The following CFAP53 variants were observed in gnomAD, a reference collection of about 807,000 sequenced individuals.
CFAP53 encodes the protein cilia and flagella associated protein 53, also known as cilia- and flagella-associated protein 53.
A neutral mutation model predicts 59.7 loss-of-function variants in CFAP53; 62 were observed. The ratio of observed to expected loss-of-function variants is 1.04; its 90% CI spans 0.85 to 1.28. The LOEUF is 1.28. CFAP53 is among the 50% of genes most tolerant of loss of function. CFAP53 has a pLI of 0.00. For missense variants in CFAP53, 629 were observed against 615.6 expected (o/e 1.02, Z -0.23); for synonymous variants, 218 against 205.7 (o/e 1.06, Z -0.51).
At chr18:50,263,665 G>A (rs962080853) in intron 1 of CFAP53, among the ~76,000 whole-genome samples, 5 of 152,170 alleles carry the variant, frequency 3.3e-5, no homozygotes, top group Non-Finnish European at 7.3e-5. Flanking sequence ...AAGCAGAGGA[G>A]GATCACAGTG....
intron 5 of CFAP53, among the ~76,000 whole-genome samples, chr18:50,248,734 G>A (rs893267307): frequency 6.1e-5 from 9 of 148,616 alleles, no homozygotes; most frequent in African/African-American, 2.2e-4. Flanking sequence ...ACAGTGAGCC[G>A]AGACCATGCC....
intron 3 of CFAP53, among the ~76,000 whole-genome samples, chr18:50,257,946 C>T (rs2033859821): frequency 6.6e-6 from 1 of 152,140 alleles, no homozygotes; most frequent in Non-Finnish European, 1.5e-5. Flanking sequence ...AGGAGAACTG[C>T]TTGAACCTAA....
chr18:50,227,866 G>C (rs1056867638), intron 7 of CFAP53, among the ~76,000 whole-genome samples: 1 of 151,184 alleles, frequency 6.6e-6, no homozygotes, highest in South Asian at 2.1e-4. Flanking sequence ...ATGTGGTAAT[G>C]GTCCTTGGTT....
intron 5 of CFAP53, among the ~76,000 whole-genome samples, chr18:50,248,092 C>T (rs2033761898): frequency 6.7e-6 from 1 of 149,696 alleles, no homozygotes; most frequent in South Asian, 2.1e-4. Flanking sequence ...TGTACTCCAG[C>T]CTAAGTGACA....
Position 50,250,903 on chromosome 18 carries a change from G to T in CFAP53, c.851C>A (p.Thr284Asn). 1 of 1,614,144 alleles carries T rather than the reference G, an allele frequency of 6.2e-7. No homozygotes were observed. Among genetic ancestry groups the T allele is most frequent in the Non-Finnish European group, 8.5e-7 (1 of 1,180,020 alleles). The change falls in exon 5 of 8, where the codon ACT becomes AAT. Residue 284 changes from threonine to asparagine, a missense_variant. Thr to Asn is a moderately conservative substitution (Grantham distance 65). Coordinates refer to ENST00000398545, the MANE Select transcript of CFAP53 (RefSeq NM_145020.5). Reference sequence around the variant, plus strand: ...TAGGGCTTTTTGCAAAATGGTCCTAGTTTCCTGCTTTGCCTTCTGTTTCTT... The same window carrying T: ...TAGGGCTTTTTGCAAAATGGTCCTATTTTCCTGCTTTGCCTTCTGTTTCTT... ...MLKKQKAKQE[T>N]RTILQKALQE...
chr18:50,242,471 T>C (rs1349511104), intron 6 of CFAP53, among the ~76,000 whole-genome samples: 1 of 152,264 alleles, frequency 6.6e-6, no homozygotes, highest in Non-Finnish European at 1.5e-5. Flanking sequence ...TAAATGTCCA[T>C]GAAATCTTCA....
intron 6 of CFAP53, 80 bp from the exon 7 acceptor site, chr18:50,238,785 A>T: frequency 9.9e-7 from 1 of 1,010,268 alleles, no homozygotes; most frequent in Non-Finnish European, 1.5e-6. Context: ...CCAGAGTCAT[A>T]TTGTCTTTAG....
intron 4 of CFAP53, among the ~76,000 whole-genome samples, 200 bp downstream of exon 4, chr18:50,251,281 G>A (rs551422513): frequency 1.4e-4 from 21 of 152,274 alleles, no homozygotes; most frequent in South Asian, 2.1e-4. Context: ...CTGTGGGTGC[G>A]TTGGCCTTCC....
chr18:50,228,314 A>G (rs2033546677), intron 7 of CFAP53, among the ~76,000 whole-genome samples: 1 of 151,712 alleles, frequency 6.6e-6, no homozygotes, highest in Non-Finnish European at 1.5e-5. Flanking sequence ...TCTGCTGTAG[A>G]TCAAAGGGCC....
In CFAP53 at chr18:50,227,611, T is replaced by G; in HGVS notation, c.1317-2A>C. The G allele has an allele frequency of 6.2e-7, 1 of 1,608,660 alleles. No homozygotes were observed. Among genetic ancestry groups the G allele is most frequent in the Non-Finnish European group, 8.5e-7 (1 of 1,175,110 alleles). ...TACTCCTGGGCTAAACGTTGGCGTC[T>G]AAAGTATTAGAAATGTCAAAGCATA... is the stretch of plus-strand genomic sequence containing the variant. On this transcript the variant is annotated splice_acceptor_variant, in intron 7 of 7. Transcript: ENST00000398545. LOFTEE classifies it high-confidence loss of function.
At chr18:50,246,053 C>T (rs1452084430) in intron 5 of CFAP53, among the ~76,000 whole-genome samples, 2 of 152,238 alleles carry the variant, frequency 1.3e-5, no homozygotes, top group East Asian at 3.9e-4. Flanking sequence ...CCATGCCTGG[C>T]TAATTTTTGT....
At chr18:50,253,119 C>T (rs1175630889) in intron 3 of CFAP53, among the ~76,000 whole-genome samples, 4 of 152,038 alleles carry the variant, frequency 2.6e-5, no homozygotes, top group Non-Finnish European at 5.9e-5. Context: ...CGGGCTCACG[C>T]CATTCCCCGG....
In CFAP53 at chr18:50,247,853, T is replaced by C. The variant is rs76123398; in HGVS notation, c.996+2905A>G. ...GCAGGATAGTGAAAATGTTCTAAAA[T>C]AAAATGTGATGACAGCTGCACATAT... On this transcript the variant is annotated intron_variant, in intron 5 of 7. Coordinates refer to ENST00000398545, the MANE Select transcript of CFAP53 (RefSeq NM_145020.5). Among the ~76,000 whole-genome samples, 999 of 152,200 alleles carry C rather than the reference T, an allele frequency of 6.6e-3. 12 individuals carry two copies. The highest frequency in any genetic ancestry group is 0.022 in the African/African-American group (921 of 41,536).
intron 7 of CFAP53, among the ~76,000 whole-genome samples, chr18:50,229,143 C>T (rs936088372): frequency 6.6e-6 from 1 of 152,054 alleles, no homozygotes; most frequent in African/African-American, 2.4e-5. Flanking sequence ...ACATCTTAAC[C>T]ATTTTTAAGT....
intron 7 of CFAP53, among the ~76,000 whole-genome samples, chr18:50,235,167 G>A (rs778221374): frequency 3.9e-5 from 6 of 152,148 alleles, no homozygotes; most frequent in Non-Finnish European, 7.4e-5. Context: ...AAGTATTAGA[G>A]GGCCCTCAAA....
intron 5 of CFAP53, among the ~76,000 whole-genome samples, chr18:50,245,234 T>A (rs2033732250): frequency 6.6e-6 from 1 of 150,532 alleles, no homozygotes; most frequent in Non-Finnish European, 1.5e-5. Context: ...TACAAAAAAT[T>A]AGCCAGGCGC....
chr18:50,234,305 G>A (rs2033609807), intron 7 of CFAP53, among the ~76,000 whole-genome samples: 1 of 152,124 alleles, frequency 6.6e-6, no homozygotes, highest in Non-Finnish European at 1.5e-5. Flanking sequence ...GGTTGAGATT[G>A]GACAACTTCT....
chr18:50,260,923 A>G (rs1248423264), intron 3 of CFAP53, 141 bp downstream of exon 3: 1 of 721,110 alleles, frequency 1.4e-6, no homozygotes, highest in Non-Finnish European at 2.2e-6. Context: ...TTATTCAATG[A>G]TATGTAATAT....
intron 5 of CFAP53, among the ~76,000 whole-genome samples, chr18:50,247,965 A>T (rs1314325238): frequency 6.6e-6 from 1 of 152,242 alleles, no homozygotes; most frequent in Non-Finnish European, 1.5e-5. Flanking sequence ...GCTGTTAAAA[A>T]AATGATTTAA....
Sources: gnomAD v4.1 joint callset for allele counts (sites outside exome capture counted in the v4.1 genomes callset) on GRCh38, gnomAD v4.1.1 for gene constraint, MANE v1.5 for transcripts, NCBI Gene and HGNC (gene_info 2026-07-23, HGNC 2026-07-21) for gene names.